TRIM16: variants seen among roughly 807,000 people sequenced by gnomAD.
The protein encoded by TRIM16 is tripartite motif containing 16, also known as tripartite motif-containing protein 16.
Under a neutral mutation model 50.4 loss-of-function variants are expected in TRIM16, and 33 were observed. The observed-to-expected ratio is 0.65, with a 90% confidence interval of 0.50 to 0.88. The LOEUF is 0.88. Among genes scored for constraint, TRIM16 ranks in the 40% least tolerant of loss-of-function variants. The pLI is 0.00. For synonymous variants in TRIM16, 229 were observed against 270.7 expected (o/e 0.85, Z 1.51); for missense variants, 581 against 686.8 (o/e 0.85, Z 1.72).
chr17:15,650,474 T>TA (rs1367387600), intron 7 of TRIM16, among the ~76,000 whole-genome samples: 1 of 152,200 alleles, frequency 6.6e-6, no homozygotes, highest in African/African-American at 2.4e-5. Flanking sequence ...TCTCTCCTGA[T>TA]ACCTCCATCT....
In TRIM16 at chr17:15,636,618, T is replaced by TA. The variant is rs537196916; in HGVS notation, c.616-350dup. On this transcript the variant is annotated intron_variant, in intron 8 of 11. Transcript: ENST00000649191. The stretch of plus-strand genomic sequence containing the variant: ...TACTTGATAGTCATATTTCAAGAGG[T>TA]AAAGAATTTGGCTTTTTTTTTTTTT... Among the ~76,000 whole-genome samples, 650 of 146,478 alleles carry TA rather than the reference T, an allele frequency of 4.4e-3. 52 individuals are homozygous for TA. The highest frequency in any genetic ancestry group is 0.016 in the African/African-American group (607 of 39,004).
At chr17:15,661,325 G>C (rs1597651668) in intron 6 of TRIM16, among the ~76,000 whole-genome samples, 2 of 152,208 alleles carry the variant, frequency 1.3e-5, no homozygotes, top group African/African-American at 4.8e-5. Flanking sequence ...ATTTGAGGAG[G>C]TGAAGGCTCC....
At chr17:15,673,693 GAA>G (rs539346286) in intron 6 of TRIM16, among the ~76,000 whole-genome samples, 5 of 148,284 alleles carry the variant, frequency 3.4e-5, no homozygotes, top group African/African-American at 1.2e-4. Flanking sequence ...AGATTTGAAA[GAA>G]AAAAAAAAGT....
chr17:15,663,685 C>T (rs578134677), intron 6 of TRIM16, among the ~76,000 whole-genome samples: 30 of 152,272 alleles, frequency 2.0e-4, no homozygotes, highest in African/African-American at 7.0e-4. Flanking sequence ...CTCCAGGTGC[C>T]AGGAAAGATG....
intron 6 of TRIM16, among the ~76,000 whole-genome samples, chr17:15,662,050 A>G (rs1988262502): frequency 6.6e-6 from 1 of 152,080 alleles, no homozygotes; most frequent in Admixed American, 6.6e-5. Context: ...ACATCCATGC[A>G]CTCCAGCTCC....
rs535151358 is a variant in TRIM16 at position 15,629,090 on chromosome 17, T to G, written c.1220A>C (p.Asp407Ala). 16 of 1,613,640 alleles carry G rather than the reference T, an allele frequency of 9.9e-6. No homozygotes were observed. Among genetic ancestry groups the G allele is most frequent in the Non-Finnish European group, 1.4e-5 (16 of 1,179,836 alleles). ...CCAGTGCAGGAACCTGCTGGGGAGG[T>G]CCGGGTAGGGATGCTCCCAGGGCGT... is the stretch of plus-strand genomic sequence containing the variant. ...NTTPWEHPYPDLPSRFLHWRQ... is the reference protein window; with the variant it reads ...NTTPWEHPYPALPSRFLHWRQ... Residue 407 changes from aspartate (D) to alanine (A), a missense_variant, in exon 12 of 12, where the codon GAC becomes GCC. By Grantham distance (126) the Asp-to-Ala change is moderately radical. Around this residue, in one of 3 missense-constraint regions of TRIM16, gnomAD observed 450 missense variants for 544.3 expected, o/e 0.83. Coordinates refer to ENST00000649191, the MANE Select transcript of TRIM16 (RefSeq NM_001348119.1).
intron 8 of TRIM16, among the ~76,000 whole-genome samples, chr17:15,642,264 C>T (rs1344318918): frequency 1.3e-5 from 2 of 149,114 alleles, no homozygotes; most frequent in Non-Finnish European, 3.0e-5. Flanking sequence ...ACACCATGGC[C>T]TTCTCAAATA....
chr17:15,682,861 C>T lies in TRIM16; in HGVS notation c.-686G>A. On this transcript the variant is annotated 5_prime_UTR_variant, in exon 3 of 12. The change creates a premature stop within an existing upstream ORF in the 5' untranslated region. Transcript: ENST00000649191. Reference sequence around the variant, plus strand: ...CATTCTTCGCACACTCACCACGCACCAGGTGCTTTCCATAAATCAGTATTC... The same window carrying T: ...CATTCTTCGCACACTCACCACGCACTAGGTGCTTTCCATAAATCAGTATTC... 6.9e-7 allele frequency: 1 copy of T among 1,440,052 alleles called. No individual in the cohort carries two copies. The highest frequency in any genetic ancestry group is 9.1e-7 in the Non-Finnish European group (1 of 1,100,628). 89.2% of individuals were successfully genotyped at this position (1,440,052 alleles called of 1,614,324 possible).
chr17:15,641,953 C>T lies in TRIM16; in HGVS notation c.615+768G>A, dbSNP rs1331045863. Among the ~76,000 whole-genome samples the T allele has an allele frequency of 2.7e-5, 4 of 148,780 alleles. 1 individual carries two copies. The highest frequency in any genetic ancestry group is 1.0e-4 in the African/African-American group (4 of 39,998). ...CACCTCCTGAGTTCAAGCAATTCTC[C>T]TGCCTCAGCCTCCTGAGTAACTGGG... On this transcript the variant is annotated intron_variant, in intron 8 of 11. Coordinates refer to ENST00000649191, the MANE Select transcript of TRIM16 (RefSeq NM_001348119.1).
chr17:15,659,572 T>C (rs188523807), intron 6 of TRIM16, among the ~76,000 whole-genome samples: 12 of 152,356 alleles, frequency 7.9e-5, no homozygotes, highest in Non-Finnish European at 1.2e-4. Context: ...AACTCTAACA[T>C]TGGTATGAAA....
In TRIM16 at chr17:15,651,319, C is replaced by T. The variant is rs1054492375; in HGVS notation, c.291G>A (p.Met97Ile). ...GCAAGTGCTCTTCACAGTAATTCACCATGCAGGTTAGACAGGACTTCACTG... is the reference window on the plus strand; with the variant it reads ...GCAAGTGCTCTTCACAGTAATTCACTATGCAGGTTAGACAGGACTTCACTG... The part of the protein sequence containing the change: ...VKAVKSCLTC[M>I]VNYCEEHLQP... The change falls in exon 7 of 12, where the codon ATG becomes ATA. Residue 97 changes from methionine (M) to isoleucine (I), a missense_variant. Coordinates refer to ENST00000649191, the MANE Select transcript of TRIM16 (RefSeq NM_001348119.1). 2 of 1,614,234 alleles carry T rather than the reference C, an allele frequency of 1.2e-6. No individual in the cohort carries two copies. Among genetic ancestry groups the T allele is most frequent in the Non-Finnish European group, 1.7e-6 (2 of 1,180,042 alleles).
chr17:15,640,657 AATG>A (rs1262576222), intron 8 of TRIM16, among the ~76,000 whole-genome samples: 2 of 149,536 alleles, frequency 1.3e-5, no homozygotes, highest in Admixed American at 6.6e-5. Flanking sequence ...GCAAAGAAGT[AATG>A]ATGAAGAAAT....
chr17:15,663,511 G>C (rs1469173804), intron 6 of TRIM16, among the ~76,000 whole-genome samples: 1 of 152,154 alleles, frequency 6.6e-6, no homozygotes, highest in Admixed American at 6.5e-5. Flanking sequence ...CCAACGTGAG[G>C]ACTAGGTCAG....
chr17:15,642,681 C>T, intron 8 of TRIM16, 40 bp downstream of exon 8: 1 of 697,578 alleles, frequency 1.4e-6, no homozygotes, highest in Middle Eastern at 4.2e-4. Flanking sequence ...GTACCACGTC[C>T]CACACCCTCA....
intron 1 of TRIM16, 140 bp from the exon 2 acceptor site, chr17:15,683,297 T>C: frequency 1.5e-6 from 1 of 686,340 alleles, no homozygotes; most frequent in Admixed American, 3.0e-5. Context: ...TCGGCAGCCA[T>C]TTAATCTTCA....
At position 15,628,796 on chromosome 17, in the gene TRIM16, A is replaced by T. The variant is rs1469104824; in HGVS notation, c.1514T>A (p.Ile505Asn). 6.2e-7 allele frequency: 1 copy of T among 1,614,198 alleles called. No individual in the cohort carries two copies. The highest frequency in any genetic ancestry group is 1.1e-5 in the South Asian group (1 of 91,082). Residue 505 changes from isoleucine (I) to asparagine (N), a missense_variant, in exon 12 of 12, where the codon ATC becomes AAC. This residue lies in a region of TRIM16 where 115 missense variants were observed against 106.7 expected (regional missense o/e 1.08). Transcript: ENST00000649191. ...ATACTCTACGCCATAGAAGGAAAGG[A>T]TCCCTCCCGGGAAGTCGATATAGAC... Reference protein sequence around the residue: ...LGVYIDFPGGILSFYGVEYDT... With the variant: ...LGVYIDFPGGNLSFYGVEYDT...
At chr17:15,665,477 C>T (rs535064055) in intron 6 of TRIM16, among the ~76,000 whole-genome samples, 1 of 152,046 alleles carries the variant, frequency 6.6e-6, no homozygotes, top group African/African-American at 2.4e-5. Context: ...CCACTGCACT[C>T]CAGCCTAGGC....
intron 6 of TRIM16, chr17:15,658,937 C>T (rs1474491900): frequency 1.8e-5 from 17 of 924,978 alleles, no homozygotes; most frequent in South Asian, 5.0e-5. Context: ...AACAAAGGAA[C>T]GAAATAAAGG....
In TRIM16 at chr17:15,634,645, A is replaced by T. The variant is rs1448806595; in HGVS notation, c.849+1391T>A. Among the ~76,000 whole-genome samples the T allele has an allele frequency of 9.9e-3, 1,420 of 143,654 alleles. 82 individuals are homozygous for T. The highest frequency in any genetic ancestry group is 0.052 in the Middle Eastern group (15 of 286). 94.2% of individuals were successfully genotyped at this position (143,654 alleles called of 152,430 possible). ...AAACTCAGTCTCAAAAAAAAAAAAA[A>T]ACAAATAAAAATAAAAATTAGCCAG... On this transcript the variant is annotated intron_variant, in intron 9 of 11. Coordinates refer to ENST00000649191, the MANE Select transcript of TRIM16 (RefSeq NM_001348119.1).
Sources: gnomAD v4.1 joint callset for allele counts (sites outside exome capture counted in the v4.1 genomes callset) on GRCh38, gnomAD v4.1.1 for gene constraint, gnomAD v4.1.1 regional missense constraint, MANE v1.5 for transcripts, NCBI Gene and HGNC (gene_info 2026-07-23, HGNC 2026-07-21) for gene names.